The following DGKI variants were observed in gnomAD, a reference collection of about 807,000 sequenced individuals.
DGKI encodes diacylglycerol kinase iota.
In DGKI, 55 loss-of-function variants were observed where a neutral mutation model predicts 147.5. That is an observed-to-expected ratio of 0.37 (90% CI 0.30 to 0.47). The LOEUF (loss-of-function observed/expected upper bound fraction) is 0.47. DGKI is among the 20% of genes least tolerant of loss of function. The pLI, the probability that DGKI is intolerant of heterozygous loss-of-function variation, is 1.00. For missense variants in DGKI, 1,007 were observed against 1,323.8 expected, an observed-to-expected ratio of 0.76 and a Z score of 3.71; for synonymous variants, 469 against 477.1, an observed-to-expected ratio of 0.98 and a Z score of 0.22.
At chr7:137,440,228 C>T (rs1416119167) in intron 28 of DGKI, among the ~76,000 whole-genome samples, 2 of 152,168 alleles carry the variant, frequency 1.3e-5, no homozygotes, top group Admixed American at 1.3e-4. Flanking sequence ...AGTAGGGCTC[C>T]AGTTTCCAGA....
At chr7:137,442,685 G>C (rs1813556527) in intron 28 of DGKI, among the ~76,000 whole-genome samples, 1 of 152,210 alleles carries the variant, frequency 6.6e-6, no homozygotes, top group Non-Finnish European at 1.5e-5. Context: ...TCTTCATAGA[G>C]AATAACACAA....
intron 3 of DGKI, among the ~76,000 whole-genome samples, chr7:137,670,844 GGC>G (rs1352058205): frequency 3.9e-5 from 6 of 152,202 alleles, no homozygotes; most frequent in African/African-American, 1.4e-4. Flanking sequence ...CCAGACAACT[GGC>G]ATTTGAGGCT....
chr7:137,664,377 C>CAAAAAAAAAAAAAAAAAAAAAA (rs1190186766), intron 3 of DGKI, among the ~76,000 whole-genome samples: 21 of 55,822 alleles, frequency 3.8e-4, no homozygotes, highest in South Asian at 7.3e-4. Flanking sequence ...GACTCCATCT[C>CAAAAAAAAAAAAAAAAAAAAAA]AAAAAAAAAA....
At chr7:137,741,822 C>T (rs1025085) in intron 1 of DGKI, among the ~76,000 whole-genome samples, 74,895 of 152,028 alleles carry the variant, frequency 0.49, 20,653 homozygotes, top group African/African-American at 0.75. Flanking sequence ...GCATGGTCAA[C>T]AGTCAACAAG....
intron 1 of DGKI, among the ~76,000 whole-genome samples, chr7:137,833,802 T>A (rs1339892843): frequency 6.6e-6 from 1 of 152,166 alleles, no homozygotes; most frequent in Non-Finnish European, 1.5e-5. Context: ...AAGGCCTCAT[T>A]GGTTACCATG....
At chr7:137,620,048 C>CACAT in intron 7 of DGKI, 108 bp from the exon 8 acceptor site, 1 of 761,386 alleles carries the variant, frequency 1.3e-6, no homozygotes, top group East Asian at 2.5e-5. Context: ...CACACACACA[C>CACAT]ACACACTCAT....
At chr7:137,730,570 G>T (rs1794847463) in intron 1 of DGKI, among the ~76,000 whole-genome samples, 1 of 151,914 alleles carries the variant, frequency 6.6e-6, no homozygotes, top group African/African-American at 2.4e-5. Flanking sequence ...CTCCATCAAG[G>T]CCTCTCCCTC....
intron 27 of DGKI, among the ~76,000 whole-genome samples, chr7:137,459,873 A>G (rs981430809): frequency 2.0e-5 from 3 of 151,814 alleles, no homozygotes; most frequent in Non-Finnish European, 1.5e-5. Context: ...ATTTCTTTAC[A>G]CTGGGATTCT....
intron 21 of DGKI, 33 bp from the exon 22 acceptor site, chr7:137,487,722 A>G: frequency 6.3e-7 from 1 of 1,578,848 alleles, no homozygotes; most frequent in Non-Finnish European, 8.7e-7. Context: ...AATCTAAAAT[A>G]ACATATTTGA....
intron 1 of DGKI, among the ~76,000 whole-genome samples, chr7:137,761,578 A>G (rs1795857635): frequency 6.6e-6 from 1 of 152,038 alleles, no homozygotes; most frequent in Non-Finnish European, 1.5e-5. Context: ...ACTCTTCACC[A>G]TGTTCTCCTC....
At chr7:137,819,970 C>T (rs1049378542) in intron 1 of DGKI, among the ~76,000 whole-genome samples, 1 of 152,212 alleles carries the variant, frequency 6.6e-6, no homozygotes, top group South Asian at 2.1e-4. Context: ...AGCATCGTTG[C>T]CCCTTCCTTC....
chr7:137,740,937 C>T (rs569501764), intron 1 of DGKI, among the ~76,000 whole-genome samples: 2 of 152,264 alleles, frequency 1.3e-5, no homozygotes, highest in South Asian at 4.2e-4. Context: ...CTGTCACACG[C>T]TGAGTAACTA....
intron 1 of DGKI, among the ~76,000 whole-genome samples, chr7:137,843,813 C>T (rs1798629343): frequency 6.7e-6 from 1 of 148,380 alleles, no homozygotes; most frequent in African/African-American, 2.4e-5. Flanking sequence ...TCCCAAAGCC[C>T]CCTTCTTTTT....
At chr7:137,731,536 A>G (rs1370905561) in intron 1 of DGKI, among the ~76,000 whole-genome samples, 1 of 152,102 alleles carries the variant, frequency 6.6e-6, no homozygotes, top group Non-Finnish European at 1.5e-5. Flanking sequence ...CCTTAGCACC[A>G]CCATACGTAG....
intron 3 of DGKI, among the ~76,000 whole-genome samples, chr7:137,666,493 T>A (rs73730087): frequency 6.6e-6 from 1 of 152,224 alleles, no homozygotes; most frequent in East Asian, 1.9e-4. Context: ...TGGGTGACTA[T>A]CGCGTACTGC....
intron 1 of DGKI, among the ~76,000 whole-genome samples, chr7:137,828,376 G>T (rs1323311277): frequency 6.6e-6 from 1 of 152,054 alleles, no homozygotes; most frequent in Admixed American, 6.6e-5. Flanking sequence ...TTATCGAGAG[G>T]ATTCCTCATG....
chr7:137,668,349 C>T (rs1822715884), intron 3 of DGKI, among the ~76,000 whole-genome samples: 1 of 152,176 alleles, frequency 6.6e-6, no homozygotes, highest in African/African-American at 2.4e-5. Flanking sequence ...TAAAACCTTA[C>T]ACAAGTCAGC....
intron 1 of DGKI, among the ~76,000 whole-genome samples, chr7:137,767,516 A>AGTAGAGTAGGAG (rs1796052605): frequency 6.7e-6 from 1 of 150,348 alleles, no homozygotes; most frequent in African/African-American, 2.5e-5. Context: ...AGAAGAGAAG[A>AGTAGAGTAGGAG]GAAGAGAAGA....
intron 9 of DGKI, 102 bp downstream of exon 9, chr7:137,609,433 G>T: frequency 1.2e-6 from 1 of 831,066 alleles, no homozygotes; most frequent in Non-Finnish European, 2.0e-6. Flanking sequence ...AGCAGTAGTA[G>T]AAGATAGATC....
Sources: allele counts gnomAD v4.1 joint callset (sites outside exome capture counted in the v4.1 genomes callset), GRCh38; gene constraint gnomAD v4.1.1; transcripts MANE v1.5; gene names NCBI Gene and HGNC (gene_info 2026-07-23, HGNC 2026-07-21).